The following STAC variants were observed in gnomAD, a reference collection of about 807,000 sequenced individuals.
The protein encoded by STAC is SH3 and cysteine-rich domain-containing protein.
In STAC, 43 loss-of-function variants were observed where a neutral mutation model predicts 48.8. The observed-to-expected ratio is 0.88, with a 90% CI of 0.69 to 1.14. The LOEUF is 1.14. STAC is among the 50% of genes most tolerant of loss of function. STAC has a pLI of 0.00. For missense variants in STAC, 497 were observed against 504.0 expected (o/e 0.99, Z 0.13); for synonymous variants, 193 against 179.5 (o/e 1.07, Z -0.60).
At chr3:36,470,578 C>A (rs896173818) in intron 2 of STAC, among the ~76,000 whole-genome samples, 3 of 152,352 alleles carry the variant, frequency 2.0e-5, no homozygotes, top group East Asian at 1.9e-4. Context: ...AGCACATCAG[C>A]TTTCATCAGT....
chr3:36,525,565 G>T (rs1698911523), intron 8 of STAC, among the ~76,000 whole-genome samples: 1 of 152,186 alleles, frequency 6.6e-6, no homozygotes, highest in Non-Finnish European at 1.5e-5. Context: ...CTTAGGGAAA[G>T]GTACCTCCCC....
Position 36,380,647 on chromosome 3 carries a change from A to T in STAC, c.4A>T (p.Ile2Phe), listed in dbSNP as rs746341930. M[I>F]PPSSPREDGV... ...ACACCGTTCCCGCGCGGCCACGATGATCCCTCCGAGCAGCCCCCGCGAGGA... is the reference window on the plus strand; with the variant it reads ...ACACCGTTCCCGCGCGGCCACGATGTTCCCTCCGAGCAGCCCCCGCGAGGA... The change falls in exon 1 of 11, where the codon ATC (isoleucine) becomes TTC (phenylalanine). Residue 2 changes from isoleucine to phenylalanine, a missense_variant. By Grantham distance (21) the Ile-to-Phe change is conservative. Coordinates refer to ENST00000273183, the MANE Select transcript of STAC (RefSeq NM_003149.3). 1 of 1,589,880 alleles carries T rather than the reference A, an allele frequency of 6.3e-7. No individual in the cohort carries two copies. The highest frequency in any genetic ancestry group is 8.6e-7 in the Non-Finnish European group (1 of 1,168,100).
At chr3:36,396,842 T>C (rs909698120) in intron 1 of STAC, among the ~76,000 whole-genome samples, 15 of 152,196 alleles carry the variant, frequency 9.9e-5, no homozygotes, top group African/African-American at 2.9e-4. Flanking sequence ...GGGTAGTTTT[T>C]TCCTCGCACT....
intron 10 of STAC, among the ~76,000 whole-genome samples, chr3:36,532,628 A>G (rs1354455696): frequency 1.3e-5 from 2 of 152,074 alleles, no homozygotes; most frequent in African/African-American, 4.8e-5. Flanking sequence ...CCCCTTAATG[A>G]CAATACCCCT....
intron 2 of STAC, among the ~76,000 whole-genome samples, chr3:36,466,797 G>C (rs982526639): frequency 6.6e-6 from 1 of 152,044 alleles, no homozygotes; most frequent in South Asian, 2.1e-4. Flanking sequence ...AGCAAATAGC[G>C]ACAGTTTGAC....
chr3:36,512,128 C>T (rs778502842), intron 8 of STAC, among the ~76,000 whole-genome samples: 1 of 152,110 alleles, frequency 6.6e-6, no homozygotes, highest in Non-Finnish European at 1.5e-5. Flanking sequence ...CAATTAAGGT[C>T]TTGTACATCT....
intron 2 of STAC, among the ~76,000 whole-genome samples, chr3:36,469,931 A>G (rs567326846): frequency 9.2e-5 from 14 of 152,126 alleles, no homozygotes; most frequent in African/African-American, 3.1e-4. Context: ...ATTGTTTTTC[A>G]TTTATGCTAC....
chr3:36,408,288 TGTC>T (rs1700123949), intron 1 of STAC, among the ~76,000 whole-genome samples: 1 of 152,210 alleles, frequency 6.6e-6, no homozygotes, highest in Admixed American at 6.5e-5. Context: ...AAGTCTTTGT[TGTC>T]TTCTTCCTCC....
intron 1 of STAC, among the ~76,000 whole-genome samples, chr3:36,437,830 A>C (rs1696191732): frequency 6.6e-6 from 1 of 151,434 alleles, no homozygotes; most frequent in African/African-American, 2.4e-5. Context: ...AAAAGACAAA[A>C]AAAAAACCTT....
intron 2 of STAC, among the ~76,000 whole-genome samples, chr3:36,481,904 TG>T (rs1174249042): frequency 6.6e-6 from 1 of 152,178 alleles, no homozygotes; most frequent in Non-Finnish European, 1.5e-5. Context: ...CTCTCAGGAC[TG>T]AGGAGACAAC....
At position 36,392,233 on chromosome 3, in the gene STAC, G is replaced by A. The variant is rs535434835; in HGVS notation, c.111+11479G>A. On this transcript the variant is annotated intron_variant, in intron 1 of 10. Coordinates refer to ENST00000273183, the MANE Select transcript of STAC (RefSeq NM_003149.3). The stretch of plus-strand genomic sequence containing the variant: ...CCATCGTCCAACCTCCCTACAGGTC[G>A]ATACCCTCCACTCTACTCTCTAGAA... 9.9e-5 allele frequency among the ~76,000 whole-genome samples: 15 copies of A among 152,232 alleles called. No homozygotes were observed. The East Asian group carries it at 1.5e-3, about 16-fold the overall frequency.
intron 1 of STAC, among the ~76,000 whole-genome samples, chr3:36,394,301 A>T (rs185370099): frequency 5.3e-5 from 8 of 152,324 alleles, no homozygotes; most frequent in African/African-American, 1.9e-4. Flanking sequence ...ATTAAACACC[A>T]CAGATTAGAG....
intron 7 of STAC, 57 bp from the exon 8 acceptor site, chr3:36,505,689 C>T (rs917725685): frequency 1.5e-5 from 18 of 1,184,936 alleles, no homozygotes; most frequent in Non-Finnish European, 2.1e-5. Flanking sequence ...TTCTTTCTTT[C>T]CTCTCTCAAT....
intron 2 of STAC, among the ~76,000 whole-genome samples, chr3:36,476,082 T>C (rs994861360): frequency 6.6e-6 from 1 of 152,260 alleles, no homozygotes; most frequent in African/African-American, 2.4e-5. Flanking sequence ...TGTCTTTCCA[T>C]AGAATTAAAG....
At chr3:36,429,950 A>C (rs1700659809) in intron 1 of STAC, among the ~76,000 whole-genome samples, 1 of 152,222 alleles carries the variant, frequency 6.6e-6, no homozygotes, top group Non-Finnish European at 1.5e-5. Flanking sequence ...AGATGAATAC[A>C]GGAGATATTT....
chr3:36,516,044 C>T (rs549646260), intron 8 of STAC, among the ~76,000 whole-genome samples: 7 of 132,728 alleles, frequency 5.3e-5, no homozygotes, highest in South Asian at 2.4e-4. Context: ...AGAGCAGTGG[C>T]GCAATCTTGG....
rs1027294082 is a variant in STAC at position 36,448,909 on chromosome 3, C to CG, written c.388+5269_388+5270insG. On this transcript the variant is annotated intron_variant, in intron 2 of 10. Transcript: ENST00000273183. ...CCTGGGCAAAACAGTGAACCCCCCC[C>CG]CCCACTCCCGACCCAGTCTCTAAAA... Among the ~76,000 whole-genome samples the CG allele has an allele frequency of 2.7e-5, 4 of 147,172 alleles. No individual in the cohort carries two copies. In the South Asian group the frequency reaches 6.9e-4, roughly 25 times the overall value.
chr3:36,390,840 T>A (rs1699739677), intron 1 of STAC, among the ~76,000 whole-genome samples: 1 of 152,228 alleles, frequency 6.6e-6, no homozygotes, highest in East Asian at 1.9e-4. Flanking sequence ...TATCTAAACC[T>A]GTCACCTATC....
intron 10 of STAC, among the ~76,000 whole-genome samples, chr3:36,540,613 A>G (rs1337632733): frequency 1.3e-5 from 2 of 152,192 alleles, no homozygotes; most frequent in Admixed American, 6.5e-5. Flanking sequence ...AAAGGGGACC[A>G]CAAGCCAGAG....
Sources: allele counts gnomAD v4.1 joint callset (sites outside exome capture counted in the v4.1 genomes callset), GRCh38; gene constraint gnomAD v4.1.1; transcripts MANE v1.5; gene names NCBI Gene and HGNC (gene_info 2026-07-23, HGNC 2026-07-21).